Variants in MFHAS1 observed in about 807,000 individuals in gnomAD.
MFHAS1 encodes the protein malignant fibrous histiocytoma-amplified sequence 1.
Under a neutral mutation model 70.4 loss-of-function variants are expected in MFHAS1, and 50 were observed. That is an observed-to-expected ratio of 0.71 (90% CI 0.57 to 0.90). The LOEUF is 0.90. Ranked by LOEUF, MFHAS1 falls within the 40% of genes least tolerant of loss-of-function variation. MFHAS1 has a pLI of 0.00. For synonymous variants in MFHAS1, 952 were observed against 620.0 expected, an observed-to-expected ratio of 1.54 and a Z score of -7.96; for missense variants, 1,795 against 1,347.6, an observed-to-expected ratio of 1.33 and a Z score of -5.20.
Position 8,891,564 on chromosome 8 carries a change from C to G in MFHAS1, c.1495G>C (p.Val499Leu). The change falls in exon 1 of 3, where the codon GTG becomes CTG. Residue 499 changes from valine (V) to leucine (L), a missense_variant. Transcript: ENST00000276282. The surrounding 1 kb of genome is among the most constrained non-coding windows in gnomAD (Gnocchi z 5.4). The part of the protein sequence containing the change: ...PFFLSPGALY[V>L]LVVNLATYEP... ...TAGGTGGCCAAGTTGACCACCAGCA[C>G]GTATAGGGCCCCTGGGGACAGGAAG... is the stretch of plus-strand genomic sequence containing the variant. The G allele has an allele frequency of 6.2e-7, 1 of 1,613,164 alleles. No individual in the cohort carries two copies. Among genetic ancestry groups the G allele is most frequent in the Non-Finnish European group, 8.5e-7 (1 of 1,180,026 alleles).
chr8:8,890,490 C>T lies in MFHAS1; in HGVS notation c.2569G>A (p.Glu857Lys), dbSNP rs775734469. 1 of 1,613,612 alleles carries T rather than the reference C, an allele frequency of 6.2e-7. No homozygotes were observed. The highest frequency in any genetic ancestry group is 8.5e-7 in the Non-Finnish European group (1 of 1,180,008). The change falls in exon 1 of 3, where the codon GAG becomes AAG. Residue 857 changes from glutamate (E) to lysine (K), a missense_variant. Coordinates refer to ENST00000276282, the MANE Select transcript of MFHAS1 (RefSeq NM_004225.3). Reference sequence around the variant, plus strand: ...ATCCAGGCTTCTGCATGGGGCACCTCGTTCTGCACATAGCATGGGAACTTG... The same window carrying T: ...ATCCAGGCTTCTGCATGGGGCACCTTGTTCTGCACATAGCATGGGAACTTG... ...WYKFPCYVQNEVPHAEAWING... is the reference protein window; with the variant it reads ...WYKFPCYVQNKVPHAEAWING...
chr8:8,789,060 A>G (rs1195468426), intron 2 of MFHAS1, among the ~76,000 whole-genome samples: 1 of 151,866 alleles, frequency 6.6e-6, no homozygotes. Flanking sequence ...GGTTTGAAGG[A>G]CAAAAAGATA....
chr8:8,844,132 A>C (rs985630775), intron 1 of MFHAS1, among the ~76,000 whole-genome samples: 10 of 152,208 alleles, frequency 6.6e-5, no homozygotes, highest in Non-Finnish European at 1.5e-4. Context: ...CAGCCCTTCT[A>C]CTACTAACCT....
chr8:8,868,789 C>A (rs773125878), intron 1 of MFHAS1, among the ~76,000 whole-genome samples: 1 of 152,138 alleles, frequency 6.6e-6, no homozygotes, highest in Non-Finnish European at 1.5e-5. Flanking sequence ...CTGGCTTCCA[C>A]CCATAGTCAT....
intron 1 of MFHAS1, among the ~76,000 whole-genome samples, chr8:8,856,656 C>T (rs1400077523): frequency 1.3e-5 from 2 of 152,238 alleles, no homozygotes; most frequent in South Asian, 2.1e-4. Flanking sequence ...AATACTGACA[C>T]ATTAAAAAAT....
intron 1 of MFHAS1, among the ~76,000 whole-genome samples, chr8:8,847,319 T>C (rs1808073390): frequency 6.6e-6 from 1 of 152,228 alleles, no homozygotes; most frequent in African/African-American, 2.4e-5. Flanking sequence ...GTAGCTGGGA[T>C]TAGAGGAATG....
At chr8:8,872,176 C>T (rs1388520580) in intron 1 of MFHAS1, among the ~76,000 whole-genome samples, 1 of 152,168 alleles carries the variant, frequency 6.6e-6, no homozygotes, top group Non-Finnish European at 1.5e-5. Flanking sequence ...ACAAAGCCAG[C>T]GACACACCAC....
rs1809946855 is a variant in MFHAS1, at chr8:8,890,421, A to G, written c.2638T>C (p.Leu880=). 1 of 1,613,896 alleles carries G rather than the reference A, an allele frequency of 6.2e-7. No individual in the cohort carries two copies. The highest frequency in any genetic ancestry group is 1.7e-5 in the Admixed American group (1 of 60,012). The change falls in exon 1 of 3, where the codon TTG becomes CTG. Residue 880 remains leucine, a synonymous_variant. Coordinates refer to ENST00000276282, the MANE Select transcript of MFHAS1 (RefSeq NM_004225.3). ...AAAGGAAAGCTATATTCAATCTGCA[A>G]CTGCTCAGCCACAAAAGACTGCCCA... ...LAGQSFVAEQ[L]QIEYSFPFTF...
intron 1 of MFHAS1, among the ~76,000 whole-genome samples, chr8:8,884,767 A>G (rs934138500): frequency 9.9e-5 from 15 of 152,266 alleles, no homozygotes; most frequent in Admixed American, 5.2e-4. Context: ...TGAGCAACAC[A>G]GCGAAACCCT....
intron 1 of MFHAS1, among the ~76,000 whole-genome samples, chr8:8,832,056 G>T (rs144937408): frequency 7.4e-6 from 1 of 136,044 alleles, no homozygotes; most frequent in African/African-American, 3.3e-5. Flanking sequence ...GCACGCGCGC[G>T]CGCGCGCACA....
chr8:8,815,189 C>A (rs1451537943), intron 1 of MFHAS1, among the ~76,000 whole-genome samples: 2 of 152,148 alleles, frequency 1.3e-5, no homozygotes, highest in African/African-American at 4.8e-5. Flanking sequence ...CTGCAAAGGA[C>A]ATGATCTTGT....
At chr8:8,881,811 G>A (rs1410692161) in intron 1 of MFHAS1, among the ~76,000 whole-genome samples, 4 of 135,078 alleles carry the variant, frequency 3.0e-5, no homozygotes, top group East Asian at 4.5e-4. Context: ...GTAAGACTCC[G>A]TCTCAAAAAA....
chr8:8,888,892 A>C (rs1217489666), intron 1 of MFHAS1, among the ~76,000 whole-genome samples: 1 of 152,140 alleles, frequency 6.6e-6, no homozygotes, highest in African/African-American at 2.4e-5. Flanking sequence ...CAACTGAAAC[A>C]AATGTACTGC....
intron 1 of MFHAS1, among the ~76,000 whole-genome samples, chr8:8,824,182 C>A (rs777965373): frequency 9.2e-5 from 14 of 151,718 alleles, no homozygotes; most frequent in Non-Finnish European, 2.1e-4. Flanking sequence ...AACAGACAGG[C>A]AAACTCCATA....
At chr8:8,808,701 C>G (rs897704407) in intron 1 of MFHAS1, among the ~76,000 whole-genome samples, 1 of 152,192 alleles carries the variant, frequency 6.6e-6, no homozygotes, top group African/African-American at 2.4e-5. Context: ...CTGCTAAGTG[C>G]TTAGTTAAGA....
intron 1 of MFHAS1, among the ~76,000 whole-genome samples, chr8:8,885,066 C>CT (rs1809699474): frequency 6.6e-6 from 1 of 152,060 alleles, no homozygotes; most frequent in African/African-American, 2.4e-5. Flanking sequence ...GGCTCAGAAG[C>CT]AGCAAGTGAA....
intron 1 of MFHAS1, among the ~76,000 whole-genome samples, chr8:8,814,124 G>A (rs973568243): frequency 6.6e-6 from 1 of 151,980 alleles, no homozygotes; most frequent in Non-Finnish European, 1.5e-5. Context: ...TTTTAGTAGA[G>A]ACAGGGTTTC....
intron 1 of MFHAS1, among the ~76,000 whole-genome samples, chr8:8,831,784 T>G (rs1807397813): frequency 6.6e-6 from 1 of 152,122 alleles, no homozygotes; most frequent in African/African-American, 2.4e-5. Flanking sequence ...AACTTTTATA[T>G]TTTTAGTAGA....
At chr8:8,880,815 G>C (rs1809492041) in intron 1 of MFHAS1, among the ~76,000 whole-genome samples, 1 of 151,896 alleles carries the variant, frequency 6.6e-6, no homozygotes, top group Non-Finnish European at 1.5e-5. Context: ...CTCCCAAGTA[G>C]CTGGGATTAC....
Sources: gnomAD v4.1 joint callset for allele counts (sites outside exome capture counted in the v4.1 genomes callset) on GRCh38, gnomAD v4.1.1 for gene constraint, Gnocchi (gnomAD v3.1) non-coding constraint, MANE v1.5 for transcripts, NCBI Gene and HGNC (gene_info 2026-07-23, HGNC 2026-07-21) for gene names.